The following ITPRID1 variants were observed in gnomAD, a reference collection of about 807,000 sequenced individuals.
The protein encoded by ITPRID1 is ITPR interacting domain containing 1.
ITPRID1 carries 96 observed loss-of-function variants against 95.4 expected under a neutral mutation model. The observed-to-expected ratio is 1.01, with a 90% CI of 0.85 to 1.19. The LOEUF is 1.19. Ranked by LOEUF, ITPRID1 falls within the 50% of genes most tolerant of loss-of-function variation. The pLI is 0.00. For synonymous variants in ITPRID1, 510 were observed against 453.6 expected, an observed-to-expected ratio of 1.12 and a Z score of -1.58; for missense variants, 1,339 against 1,252.9, an observed-to-expected ratio of 1.07 and a Z score of -1.04.
chr7:31,569,819 A>C lies in ITPRID1; in HGVS notation c.308+10A>C. The C allele has an allele frequency of 6.3e-7, 1 of 1,578,930 alleles. No homozygotes were observed. The highest frequency in any genetic ancestry group is 8.6e-7 in the Non-Finnish European group (1 of 1,160,814). ...TGAAAGACTACATGAGGTAGGTAGC[A>C]GAATCAGTGTTACTTCATGCCAATA... On this transcript the variant is annotated intron_variant, in intron 6 of 14. Transcript: ENST00000615280.
At position 31,578,093 on chromosome 7, in the gene ITPRID1, T is replaced by C. The variant is rs777256841; in HGVS notation, c.829T>C (p.Phe277Leu). 4.3e-6 allele frequency: 7 copies of C among 1,613,648 alleles called. No homozygotes were observed. In the South Asian group the frequency reaches 6.6e-5, roughly 15 times the overall value. Residue 277 changes from phenylalanine to leucine, a missense_variant, in exon 9 of 15, where the codon TTC (phenylalanine) becomes CTC (leucine). By Grantham distance (22) the Phe-to-Leu change is conservative. Coordinates refer to ENST00000615280, the MANE Select transcript of ITPRID1 (RefSeq NM_001257967.3). ...RDCNPEVSESFKVKDEVFVPF... is the reference protein window; with the variant it reads ...RDCNPEVSESLKVKDEVFVPF... ...TTGTAACCCAGAGGTATCAGAGTCCTTCAAGGTGAAGGATGAAGTTTTTGT... is the reference window on the plus strand; with the variant it reads ...TTGTAACCCAGAGGTATCAGAGTCCCTCAAGGTGAAGGATGAAGTTTTTGT...
chr7:31,589,022 A>G (rs1464441395), intron 10 of ITPRID1, among the ~76,000 whole-genome samples: 1 of 152,144 alleles, frequency 6.6e-6, no homozygotes, highest in Non-Finnish European at 1.5e-5. Flanking sequence ...AAACCATGAG[A>G]AAACCCAGAT....
At chr7:31,616,835 TTATCAGA>T (rs1356130355) in intron 10 of ITPRID1, among the ~76,000 whole-genome samples, 1 of 151,964 alleles carries the variant, frequency 6.6e-6, no homozygotes, top group Non-Finnish European at 1.5e-5. Flanking sequence ...ATTCAAACAA[TTATCAGA>T]TATCCAAACC....
At chr7:31,651,859 C>A in intron 13 of ITPRID1, 80 bp from the exon 14 acceptor site, 1 of 916,302 alleles carries the variant, frequency 1.1e-6, no homozygotes, top group Non-Finnish European at 1.7e-6. Flanking sequence ...AAAGGAAGAA[C>A]CTATATTATG....
chr7:31,519,618 C>CTATATATATATATATATATA (rs1436134437), intron 1 of ITPRID1, among the ~76,000 whole-genome samples: 7 of 31,692 alleles, frequency 2.2e-4, no homozygotes, highest in Admixed American at 4.2e-4. Flanking sequence ...CTCTCTCTCT[C>CTATATATATATATATATATA]TCTATATATA....
chr7:31,582,354 A>G (rs1001992221), intron 9 of ITPRID1, among the ~76,000 whole-genome samples: 4 of 152,230 alleles, frequency 2.6e-5, no homozygotes, highest in African/African-American at 9.6e-5. Context: ...AAAAATGTAT[A>G]TAAAAGAAAA....
At chr7:31,623,378 C>T (rs555107796) in intron 10 of ITPRID1, among the ~76,000 whole-genome samples, 30 of 151,804 alleles carry the variant, frequency 2.0e-4, no homozygotes, top group Admixed American at 3.3e-4. Flanking sequence ...AAACCGAATC[C>T]AGCAGCACAT....
intron 1 of ITPRID1, among the ~76,000 whole-genome samples, chr7:31,525,217 G>C (rs982126128): frequency 2.6e-5 from 4 of 152,336 alleles, no homozygotes; most frequent in East Asian, 3.9e-4. Flanking sequence ...CAATGGCATA[G>C]GTAGCAAGTG....
In ITPRID1 at chr7:31,643,069, G is replaced by A. The variant is rs756203304; in HGVS notation, c.1699G>A (p.Gly567Arg). 1.5e-5 allele frequency: 25 copies of A among 1,613,972 alleles called. No individual in the cohort carries two copies. Among genetic ancestry groups the A allele is most frequent in the Non-Finnish European group, 2.1e-5 (25 of 1,179,892 alleles). ...CACTTCCAAATATGATCATCCTCTG[G>A]GGTTTATGGTAACCCACGTCACAGA... The part of the protein sequence containing the change: ...TATSKYDHPL[G>R]FMVTHVTEMQ... Residue 567 changes from glycine (G) to arginine (R), a missense_variant, in exon 12 of 15, where the codon GGG (glycine) becomes AGG (arginine). Coordinates refer to ENST00000615280, the MANE Select transcript of ITPRID1 (RefSeq NM_001257967.3).
chr7:31,574,399 G>C (rs570795579), intron 7 of ITPRID1, 141 bp from the exon 8 acceptor site: 28 of 716,926 alleles, frequency 3.9e-5, no homozygotes, highest in Admixed American at 7.3e-5. Flanking sequence ...AAGTATATAG[G>C]AACGCTAGTG....
chr7:31,651,102 A>T, intron 12 of ITPRID1, 40 bp from the exon 13 acceptor site: 8 of 1,599,608 alleles, frequency 5.0e-6, no homozygotes, highest in Non-Finnish European at 6.8e-6. Flanking sequence ...GCAGAGGATC[A>T]GAGAGGACTT....
chr7:31,537,695 T>A (rs1318785104), intron 1 of ITPRID1, among the ~76,000 whole-genome samples: 1 of 152,206 alleles, frequency 6.6e-6, no homozygotes, highest in Admixed American at 6.5e-5. Flanking sequence ...ATGACATTAT[T>A]TATTTCTTCA....
intron 10 of ITPRID1, among the ~76,000 whole-genome samples, chr7:31,620,000 G>C (rs1787672820): frequency 6.6e-6 from 1 of 152,192 alleles, no homozygotes; most frequent in Non-Finnish European, 1.5e-5. Flanking sequence ...GAGTCTCGCT[G>C]ATTGCTAGCA....
chr7:31,576,116 T>C (rs1785173423), intron 8 of ITPRID1, among the ~76,000 whole-genome samples: 1 of 152,186 alleles, frequency 6.6e-6, no homozygotes, highest in South Asian at 2.1e-4. Flanking sequence ...ACATATGGAT[T>C]ACAGAGAAAC....
chr7:31,606,642 T>C (rs1233988512), intron 10 of ITPRID1, among the ~76,000 whole-genome samples: 1 of 152,198 alleles, frequency 6.6e-6, no homozygotes, highest in Non-Finnish European at 1.5e-5. Context: ...AAAAAATTCT[T>C]ATGTCCATTA....
intron 5 of ITPRID1, among the ~76,000 whole-genome samples, chr7:31,565,162 T>C (rs1784753800): frequency 6.6e-6 from 1 of 152,226 alleles, no homozygotes; most frequent in Non-Finnish European, 1.5e-5. Flanking sequence ...GCTTCTGCAA[T>C]GATCAGGAAG....
chr7:31,637,624 T>C (rs1485316483), intron 10 of ITPRID1, among the ~76,000 whole-genome samples: 1 of 152,202 alleles, frequency 6.6e-6, no homozygotes, highest in Non-Finnish European at 1.5e-5. Flanking sequence ...TCATTGTAGA[T>C]TCTGGATATT....
chr7:31,648,530 C>CA (rs1790680440), intron 12 of ITPRID1, among the ~76,000 whole-genome samples: 1 of 152,164 alleles, frequency 6.6e-6, no homozygotes, highest in Non-Finnish European at 1.5e-5. Context: ...CCACCATTCT[C>CA]AGAGAGCAAA....
rs542365949 is a variant in ITPRID1, at chr7:31,597,985, TAGAC to T, written c.1228+14798_1228+14801del. ...GACTCCCTGATATAAAGCAATAAGT[TAGAC>T]AGAACATTTCAAAATCAGTGGAGAA... On this transcript the variant is annotated intron_variant, in intron 10 of 14. Transcript: ENST00000615280. Among the ~76,000 whole-genome samples, 12 of 152,286 alleles carry T rather than the reference TAGAC, an allele frequency of 7.9e-5. No homozygotes were observed. The South Asian group carries it at 2.5e-3, about 32-fold the overall frequency.
Sources: gnomAD v4.1 joint callset for allele counts (sites outside exome capture counted in the v4.1 genomes callset) on GRCh38, gnomAD v4.1.1 for gene constraint, MANE v1.5 for transcripts, NCBI Gene and HGNC (gene_info 2026-07-23, HGNC 2026-07-21) for gene names.